The following PCDH15 variants were observed in gnomAD, a reference collection of about 807,000 sequenced individuals.
PCDH15 encodes the protein protocadherin related 15.
A neutral mutation model predicts 178.5 loss-of-function variants in PCDH15; 129 were observed. The observed-to-expected ratio is 0.72, with a 90% CI of 0.63 to 0.84. PCDH15 has a LOEUF of 0.84. Ranked by LOEUF, PCDH15 falls within the 40% of genes least tolerant of loss-of-function variation. PCDH15 has a pLI of 0.00. For synonymous variants in PCDH15, 800 were observed against 732.0 expected (o/e 1.09, Z -1.50); for missense variants, 2,230 against 2,099.9 (o/e 1.06, Z -1.21).
chr10:55,485,995 C>T (rs533907808), intron 2 of PCDH15, among the ~76,000 whole-genome samples: 8 of 151,764 alleles, frequency 5.3e-5, no homozygotes, highest in African/African-American at 1.9e-4. Context: ...AAACACTTTG[C>T]ACATGTTGTC....
intron 1 of PCDH15, among the ~76,000 whole-genome samples, chr10:55,167,672 A>G (rs999561748): frequency 6.6e-6 from 1 of 152,166 alleles, no homozygotes; most frequent in African/African-American, 2.4e-5. Flanking sequence ...CATGTCAAGA[A>G]ATAGGTACAG....
intron 2 of PCDH15, chr10:54,606,511 G>A (rs1264909871): frequency 2.0e-5 from 3 of 152,080 alleles, no homozygotes; most frequent in Non-Finnish European, 4.4e-5. Flanking sequence ...TCTAGTTTGT[G>A]TCCTTCTTGC....
intron 2 of PCDH15, among the ~76,000 whole-genome samples, chr10:55,390,653 G>A (rs1264135252): frequency 1.3e-5 from 2 of 152,144 alleles, no homozygotes; most frequent in African/African-American, 4.8e-5. Context: ...ATTATAAAAT[G>A]CATTTCTAAA....
intron 35 of PCDH15, among the ~76,000 whole-genome samples, chr10:53,813,422 C>G (rs1488292430): frequency 6.6e-6 from 1 of 152,038 alleles, no homozygotes; most frequent in East Asian, 1.9e-4. Flanking sequence ...GTTTATTCAC[C>G]AGAATAACTA....
chr10:54,140,157 T>TA (rs1201170478), intron 14 of PCDH15, among the ~76,000 whole-genome samples: 1 of 152,066 alleles, frequency 6.6e-6, no homozygotes, highest in Non-Finnish European at 1.5e-5. Context: ...TTAATGAATG[T>TA]AAAATATAAA....
In PCDH15 at chr10:54,725,649, A is replaced by G. The variant is rs1447268332; in HGVS notation, c.-28-61359T>C. On this transcript the variant is annotated intron_variant, in intron 1 of 37. Coordinates refer to ENST00000644397, the MANE Select transcript of PCDH15 (RefSeq NM_001384140.1). ...CTCATTATTCATAAAGAAATAGTCT[A>G]CAATTTGTATTTCACTCTAAGCAAC... 2.0e-5 allele frequency among the ~76,000 whole-genome samples: 3 copies of G among 150,394 alleles called. No homozygotes were observed. The East Asian group carries it at 5.8e-4, about 29-fold the overall frequency.
intron 14 of PCDH15, among the ~76,000 whole-genome samples, chr10:54,146,878 T>C (rs2043959180): frequency 8.1e-6 from 1 of 122,744 alleles, no homozygotes; most frequent in Non-Finnish European, 1.7e-5. Flanking sequence ...AATCACTATA[T>C]ATATAGTGTG....
At chr10:54,433,313 A>G (rs943398711) in intron 3 of PCDH15, among the ~76,000 whole-genome samples, 6 of 152,166 alleles carry the variant, frequency 3.9e-5, no homozygotes, top group African/African-American at 1.4e-4. Flanking sequence ...TTTGGAGGCA[A>G]AGTGTCCATC....
At chr10:54,960,423 T>A (rs533594989) in intron 2 of PCDH15, among the ~76,000 whole-genome samples, 1 of 152,184 alleles carries the variant, frequency 6.6e-6, no homozygotes, top group Non-Finnish European at 1.5e-5. Flanking sequence ...ATTCCCTTCA[T>A]TGAGGTGGGC....
At chr10:54,819,221 A>T (rs576293359) in intron 3 of PCDH15, among the ~76,000 whole-genome samples, 1 of 152,182 alleles carries the variant, frequency 6.6e-6, no homozygotes, top group East Asian at 1.9e-4. Context: ...CATTTTAAAC[A>T]TTCATGGTAA....
intron 1 of PCDH15, among the ~76,000 whole-genome samples, chr10:54,712,642 A>G (rs2095438121): frequency 6.6e-6 from 1 of 151,988 alleles, no homozygotes; most frequent in African/African-American, 2.4e-5. Flanking sequence ...GGTGTACAAA[A>G]CTAAGGGGGC....
chr10:53,858,225 T>C (rs2078883195), intron 27 of PCDH15, among the ~76,000 whole-genome samples: 1 of 152,110 alleles, frequency 6.6e-6, no homozygotes, highest in Non-Finnish European at 1.5e-5. Context: ...GTTAGGCATA[T>C]TTAGCACCGT....
intron 1 of PCDH15, among the ~76,000 whole-genome samples, chr10:54,716,075 G>A (rs11004475): frequency 0.12 from 18,563 of 152,108 alleles, 1,267 homozygotes; most frequent in African/African-American, 0.17. Flanking sequence ...CACATCTCCT[G>A]GTTCTCACAG....
At chr10:54,533,875 T>C (rs2084199766) in intron 2 of PCDH15, among the ~76,000 whole-genome samples, 1 of 152,170 alleles carries the variant, frequency 6.6e-6, no homozygotes, top group Admixed American at 6.5e-5. Flanking sequence ...AAGAAATGGG[T>C]TTCTAATATA....
At chr10:55,517,968 T>C (rs1292074704) in intron 2 of PCDH15, among the ~76,000 whole-genome samples, 1 of 152,270 alleles carries the variant, frequency 6.6e-6, no homozygotes, top group South Asian at 2.1e-4. Flanking sequence ...GTTACATCCC[T>C]AAAATGACCC....
At chr10:54,248,330 G>C (rs2056188051) in intron 8 of PCDH15, among the ~76,000 whole-genome samples, 1 of 151,938 alleles carries the variant, frequency 6.6e-6, no homozygotes, top group Non-Finnish European at 1.5e-5. Context: ...GTCTGCCAGA[G>C]AGTTGAATAT....
intron 2 of PCDH15, among the ~76,000 whole-genome samples, chr10:55,138,914 T>A (rs552348507): frequency 6.6e-6 from 1 of 152,210 alleles, no homozygotes; most frequent in East Asian, 1.9e-4. Flanking sequence ...AATGTTGAGA[T>A]TTATCTATAG....
intron 11 of PCDH15, among the ~76,000 whole-genome samples, chr10:54,193,425 A>T (rs897590716): frequency 6.6e-6 from 1 of 152,204 alleles, no homozygotes; most frequent in African/African-American, 2.4e-5. Context: ...TTAAGGTATG[A>T]CCTAAGCTAT....
At chr10:54,257,437 G>C (rs911870604) in intron 8 of PCDH15, among the ~76,000 whole-genome samples, 2 of 112,074 alleles carry the variant, frequency 1.8e-5, no homozygotes, top group Non-Finnish European at 3.5e-5. Flanking sequence ...GAAGTCAAAT[G>C]ACATCTCAAT....
Sources: gnomAD v4.1 joint callset for allele counts (sites outside exome capture counted in the v4.1 genomes callset) on GRCh38, gnomAD v4.1.1 for gene constraint, MANE v1.5 for transcripts, NCBI Gene and HGNC (gene_info 2026-07-23, HGNC 2026-07-21) for gene names.